PSD3: variants seen among roughly 807,000 people sequenced by gnomAD.
The protein encoded by PSD3 is pleckstrin and Sec7 domain containing 3.
In PSD3, 49 loss-of-function variants were observed where a neutral mutation model predicts 105.5. The ratio of observed to expected loss-of-function variants is 0.46; its 90% CI spans 0.37 to 0.59. The LOEUF is 0.59. Ranked by LOEUF, PSD3 falls within the 20% of genes least tolerant of loss-of-function variation. PSD3 has a pLI of 0.00. For missense variants in PSD3, 1,561 were observed against 1,263.8 expected (o/e 1.24, Z -3.57); for synonymous variants, 557 against 457.8 (o/e 1.22, Z -2.77).
intron 1 of PSD3, among the ~76,000 whole-genome samples, chr8:18,950,584 C>G (rs535139033): frequency 3.3e-5 from 5 of 152,244 alleles, no homozygotes; most frequent in African/African-American, 1.2e-4. Flanking sequence ...CTGTTTCTAT[C>G]AGTTCAACTG....
At chr8:18,994,534 G>C (rs1206657829) in intron 1 of PSD3, among the ~76,000 whole-genome samples, 1 of 151,938 alleles carries the variant, frequency 6.6e-6, no homozygotes, top group Non-Finnish European at 1.5e-5. Context: ...CAGTCACATG[G>C]GGCCATTTAG....
chr8:18,621,560 G>A (rs933353189), intron 11 of PSD3, among the ~76,000 whole-genome samples: 2 of 152,196 alleles, frequency 1.3e-5, no homozygotes, highest in Non-Finnish European at 2.9e-5. Flanking sequence ...TTTGAATTGT[G>A]AATGGGGTAT....
intron 9 of PSD3, among the ~76,000 whole-genome samples, chr8:18,681,520 T>C (rs985734037): frequency 1.4e-5 from 2 of 147,152 alleles, no homozygotes; most frequent in African/African-American, 2.5e-5. Flanking sequence ...TACTACTAGA[T>C]ACAAGTAAGA....
intron 9 of PSD3, among the ~76,000 whole-genome samples, chr8:18,725,958 C>T (rs1803308915): frequency 6.6e-6 from 1 of 152,208 alleles, no homozygotes. Flanking sequence ...CACTTCCACA[C>T]CCACTGAGAG....
At chr8:19,011,637 T>C (rs184509019) in intron 1 of PSD3, among the ~76,000 whole-genome samples, 5 of 152,308 alleles carry the variant, frequency 3.3e-5, no homozygotes, top group African/African-American at 1.2e-4. Context: ...AAAGCAGAAT[T>C]GAATTGCTTA....
intron 10 of PSD3, among the ~76,000 whole-genome samples, chr8:18,637,145 T>G (rs138549926): frequency 6.6e-6 from 1 of 152,360 alleles, no homozygotes; most frequent in Non-Finnish European, 1.5e-5. Context: ...TACACCCATG[T>G]GAGGAACAAA....
chr8:18,816,024 T>C (rs62498296), intron 4 of PSD3, among the ~76,000 whole-genome samples: 4,370 of 152,318 alleles, frequency 0.029, 82 homozygotes, highest in Non-Finnish European at 0.045. Context: ...CCTATCTCTG[T>C]CACTTCCTGC....
chr8:18,566,499 C>T (rs986256096), intron 14 of PSD3, among the ~76,000 whole-genome samples: 1 of 147,918 alleles, frequency 6.8e-6, no homozygotes, highest in African/African-American at 2.5e-5. Context: ...GCACTCCAGC[C>T]TGGGCAACAG....
At chr8:19,063,816 C>A (rs1369913732) in intron 1 of PSD3, among the ~76,000 whole-genome samples, 4 of 152,032 alleles carry the variant, frequency 2.6e-5, no homozygotes, top group Non-Finnish European at 5.9e-5. Flanking sequence ...TATAATCCGG[C>A]AATTTCCTTG....
At chr8:18,865,272 ATATATATATATATATTTTTTTTTTT>A (rs1816822913) in intron 4 of PSD3, 1 of 2,186 alleles carries the variant, frequency 4.6e-4, no homozygotes, top group African/African-American at 1.7e-3. Context: ...ATATATATAT[ATATATATATATATATTTTTTTTTTT>A]TTTTTTTTTT....
At chr8:18,851,604 G>C (rs1360572791) in intron 4 of PSD3, among the ~76,000 whole-genome samples, 2 of 152,200 alleles carry the variant, frequency 1.3e-5, no homozygotes, top group Admixed American at 1.3e-4. Flanking sequence ...AAGCACATTC[G>C]GCTCTTGGTG....
chr8:18,854,339 T>TC (rs1405115477), intron 4 of PSD3: 5 of 152,574 alleles, frequency 3.3e-5, no homozygotes, highest in Non-Finnish European at 7.3e-5. Flanking sequence ...GACGTCCCCC[T>TC]CTTCCCAGCC....
At chr8:18,540,621 G>A (rs762345092) in intron 15 of PSD3, among the ~76,000 whole-genome samples, 2 of 152,058 alleles carry the variant, frequency 1.3e-5, no homozygotes, top group East Asian at 1.9e-4. Flanking sequence ...CCCATTTCTA[G>A]TCTGGACCGA....
At chr8:18,699,439 A>T (rs907132001) in intron 9 of PSD3, among the ~76,000 whole-genome samples, 5 of 152,192 alleles carry the variant, frequency 3.3e-5, no homozygotes, top group Non-Finnish European at 7.3e-5. Context: ...AGATGAAGAC[A>T]CCTAGTCACA....
chr8:19,050,971 A>G (rs1828508059), intron 1 of PSD3, among the ~76,000 whole-genome samples: 1 of 152,126 alleles, frequency 6.6e-6, no homozygotes, highest in Non-Finnish European at 1.5e-5. Context: ...AAGGAAAGAG[A>G]GTTTGCTTAA....
In PSD3 at chr8:18,801,318, A is replaced by C; in HGVS notation, c.1975T>G (p.Phe659Val). 6.2e-7 allele frequency: 1 copy of C among 1,607,952 alleles called. No homozygotes were observed. Among genetic ancestry groups the C allele is most frequent in the Non-Finnish European group, 8.5e-7 (1 of 1,175,612 alleles). Residue 659 changes from phenylalanine to valine, a missense_variant, in exon 7 of 16, where the codon TTC becomes GTC. Physicochemically the swap from Phe to Val is conservative, Grantham distance 50 (BLOSUM62 -1). Transcript: ENST00000327040. ...TTACAATAAAAATATCTATTGGAGAAGTGTATTAAAACTCTCTCTCGTTCT... is the reference window on the plus strand; with the variant it reads ...TTACAATAAAAATATCTATTGGAGACGTGTATTAAAACTCTCTCTCGTTCT... ...TQERERVLIHFSNRYFYCNPD... is the reference protein window; with the variant it reads ...TQERERVLIHVSNRYFYCNPD...
At chr8:18,624,376 T>C (rs1806332589) in intron 11 of PSD3, among the ~76,000 whole-genome samples, 1 of 151,944 alleles carries the variant, frequency 6.6e-6, no homozygotes, top group African/African-American at 2.4e-5. Flanking sequence ...CATATATGTA[T>C]TGATCATCTC....
intron 9 of PSD3, among the ~76,000 whole-genome samples, chr8:18,718,773 T>G (rs1456810393): frequency 1.3e-5 from 2 of 152,106 alleles, no homozygotes; most frequent in Non-Finnish European, 2.9e-5. Context: ...CAAGGAAATT[T>G]TATAATTTAG....
chr8:19,047,752 C>T (rs771104342), intron 1 of PSD3, among the ~76,000 whole-genome samples: 1 of 152,062 alleles, frequency 6.6e-6, no homozygotes, highest in Non-Finnish European at 1.5e-5. Context: ...CTATCCCTCT[C>T]CTCCCTAAGA....
Sources: allele counts gnomAD v4.1 joint callset (sites outside exome capture counted in the v4.1 genomes callset), GRCh38; gene constraint gnomAD v4.1.1; transcripts MANE v1.5; gene names NCBI Gene and HGNC (gene_info 2026-07-23, HGNC 2026-07-21).